AKAP5: variants seen among roughly 807,000 people sequenced by gnomAD.
AKAP5 encodes the protein A-kinase anchoring protein 5.
In AKAP5, 5 loss-of-function variants were observed where a neutral mutation model predicts 13.8. The observed-to-expected ratio is 0.36, with a 90% CI of 0.19 to 0.76. The LOEUF (loss-of-function observed/expected upper bound fraction) is 0.76, where lower values mean the gene tolerates loss of function less well. AKAP5 is among the 30% of genes least tolerant of loss of function. The pLI is 0.51. For missense variants in AKAP5, 406 were observed against 484.4 expected, an observed-to-expected ratio of 0.84 and a Z score of 1.52; for synonymous variants, 148 against 167.2, an observed-to-expected ratio of 0.89 and a Z score of 0.89.
intron 1 of AKAP5, among the ~76,000 whole-genome samples, chr14:64,466,196 T>C (rs1158971644): frequency 6.6e-6 from 1 of 152,224 alleles, no homozygotes; most frequent in East Asian, 1.9e-4. Context: ...ACAGGGACTT[T>C]AAGATTTCCT....
In AKAP5 at chr14:64,468,840, A is replaced by G; in HGVS notation, c.446A>G (p.Asp149Gly). The G allele has an allele frequency of 6.2e-7, 1 of 1,614,202 alleles. No individual in the cohort carries two copies. The change falls in exon 2 of 2, where the codon GAC becomes GGC. Residue 149 changes from aspartate (D) to glycine (G), a missense_variant. Physicochemically the swap from Asp to Gly is moderately conservative, Grantham distance 94. Coordinates refer to ENST00000394718, the MANE Select transcript of AKAP5 (RefSeq NM_004857.3). ...CATTCCAAAATTATAGAAGACTCAG[A>G]CTGCAGCATCAAAGTCCAGGAAGAA... ...SNHSKIIEDSDCSIKVQEEAE... is the reference protein window; with the variant it reads ...SNHSKIIEDSGCSIKVQEEAE...
chr14:64,468,894 C>T lies in AKAP5; in HGVS notation c.500C>T (p.Thr167Ile). The stretch of plus-strand genomic sequence containing the variant: ...GAAATTTTGGATATACAAACACAGA[C>T]CCCATTGAATGATCAGGCAACAAAG... ...EAEILDIQTQ[T>I]PLNDQATKAK... Residue 167 changes from threonine (T) to isoleucine (I), a missense_variant, in exon 2 of 2, where the codon ACC (threonine) becomes ATC (isoleucine). Transcript: ENST00000394718. 9 of 1,614,116 alleles carry T rather than the reference C, an allele frequency of 5.6e-6. No homozygotes were observed. The highest frequency in any genetic ancestry group is 7.6e-6 in the Non-Finnish European group (9 of 1,180,026).
chr14:64,467,230 TCTGTTACA>T (rs1004973434), intron 1 of AKAP5: 3 of 152,240 alleles, frequency 2.0e-5, no homozygotes, highest in African/African-American at 7.2e-5. Flanking sequence ...TAATCTGAGC[TCTGTTACA>T]GCTCTGCCGT....
rs769232221 is a variant in AKAP5 at position 64,468,563 on chromosome 14, G to A, written c.169G>A (p.Asp57Asn). 8 of 1,614,070 alleles carry A rather than the reference G, an allele frequency of 5.0e-6. No individual in the cohort carries two copies. The East Asian group carries it at 1.1e-4, about 22-fold the overall frequency. The change falls in exon 2 of 2, where the codon GAT becomes AAT. Residue 57 changes from aspartate to asparagine, a missense_variant. Transcript: ENST00000394718. ...GCCCAAAGCTGGCTCTGAAGCTGCT[G>A]ATGTGGCAAGGAAGTGTCCACAAGA... ...LKPKAGSEAA[D>N]VARKCPQEAG...
Position 64,469,433 on chromosome 14 carries a change from A to C in AKAP5, c.1039A>C (p.Ile347Leu), listed in dbSNP as rs755421306. The change falls in exon 2 of 2, where the codon ATC becomes CTC. Residue 347 changes from isoleucine to leucine, a missense_variant. Transcript: ENST00000394718. ...PIAIIITDTE[I>L]SEFDVTKSKN... ...TGCTATTATTATTACAGACACTGAA[A>C]TCAGTGAATTTGATGTTACAAAATC... is the stretch of plus-strand genomic sequence containing the variant. 1 of 1,613,236 alleles carries C rather than the reference A, an allele frequency of 6.2e-7. No individual in the cohort carries two copies. Among genetic ancestry groups the C allele is most frequent in the Admixed American group, 1.7e-5 (1 of 59,848 alleles).
Position 64,471,530 on chromosome 14 carries a change from G to A in AKAP5, c.*1852G>A, listed in dbSNP as rs2078671560. 6.0e-6 allele frequency: 1 copy of A among 167,004 alleles called. No individual in the cohort carries two copies. The highest frequency in any genetic ancestry group is 2.4e-5 in the African/African-American group (1 of 41,428). The allele number at this position is 167,004 out of a possible 1,614,324, so 10.3% of individuals were successfully genotyped here. A position where few individuals can be genotyped will look rare whatever the true frequency, so the allele number is the denominator to read the frequency against. ...TGCATTTTTATTTACATATTGAAAG[G>A]GAAGCATCTGATCTCATCAATGATT... On this transcript the variant is annotated 3_prime_UTR_variant, in exon 2 of 2. Transcript: ENST00000394718.
chr14:64,472,609 T>C lies in AKAP5; in HGVS notation c.*2931T>C, dbSNP rs1278961972. 6.0e-6 allele frequency: 1 copy of C among 167,046 alleles called. No individual in the cohort carries two copies. Among genetic ancestry groups the C allele is most frequent in the Non-Finnish European group, 1.5e-5 (1 of 68,088 alleles). 10.3% of individuals were successfully genotyped at this position (167,046 alleles called of 1,614,324 possible). A position where few individuals can be genotyped will look rare whatever the true frequency, so the allele number is the denominator to read the frequency against. On this transcript the variant is annotated 3_prime_UTR_variant, in exon 2 of 2. Coordinates refer to ENST00000394718, the MANE Select transcript of AKAP5 (RefSeq NM_004857.3). ...TCTGTTTTTCTATTGAGAATATCTG[T>C]TGAATTAAGTAGGATTTCAGTTAGA...
In AKAP5 at chr14:64,469,258, A is replaced by G. The variant is rs760183655; in HGVS notation, c.864A>G (p.Ala288=). The G allele has an allele frequency of 1.9e-6, 3 of 1,613,804 alleles. No homozygotes were observed. In the Admixed American group the frequency reaches 5.0e-5, roughly 27 times the overall value. ...CCAGTAACAGTACCCTAGAAAGTGCACCAAATGGAAAAGACTATGAAAGTA... is the reference window on the plus strand; with the variant it reads ...CCAGTAACAGTACCCTAGAAAGTGCGCCAAATGGAAAAGACTATGAAAGTA... ...EEASNSTLES[A]PNGKDYESTE... is the part of the protein sequence containing the mutation. The change falls in exon 2 of 2, where the codon GCA becomes GCG. Residue 288 remains alanine, a synonymous_variant. Coordinates refer to ENST00000394718, the MANE Select transcript of AKAP5 (RefSeq NM_004857.3).
chr14:64,468,765 GACTTAA>G lies in AKAP5; in HGVS notation c.372_377del (p.Leu125_Lys126del). On this transcript the variant is annotated inframe_deletion, in exon 2 of 2. Transcript: ENST00000394718. ...CTTTCTAAGAAAAAGGCAAAATCTA[GACTTAA>G]GATTCCCTGCATAAAATTCCCAAGA... 6.2e-7 allele frequency: 1 copy of G among 1,614,134 alleles called. No homozygotes were observed. Among genetic ancestry groups the G allele is most frequent in the East Asian group, 2.2e-5 (1 of 44,894 alleles).
rs927671197 is a variant in AKAP5 at position 64,469,505 on chromosome 14, G to A, written c.1111G>A (p.Val371Ile). 2.5e-6 allele frequency: 4 copies of A among 1,613,510 alleles called. No homozygotes were observed. In the African/African-American group the frequency reaches 5.3e-5, roughly 22 times the overall value. Reference protein sequence around the residue: ...QFLISAENEQVGVFANDNGFE... With the variant: ...QFLISAENEQIGVFANDNGFE... ...CTTAATTTCAGCTGAAAATGAGCAA[G>A]TAGGGGTTTTTGCTAATGATAATGG... Residue 371 changes from valine to isoleucine, a missense_variant, in exon 2 of 2, where the codon GTA becomes ATA. Transcript: ENST00000394718.
Position 64,472,300 on chromosome 14 carries a change from G to A in AKAP5, c.*2622G>A, listed in dbSNP as rs2078681243. On this transcript the variant is annotated 3_prime_UTR_variant, in exon 2 of 2. Coordinates refer to ENST00000394718, the MANE Select transcript of AKAP5 (RefSeq NM_004857.3). ...AGAATCCTGCCCTCATTTACTGCAA[G>A]GATGCCTCCAAGCCAATACACTTGC... is the stretch of plus-strand genomic sequence containing the variant. The A allele has an allele frequency of 6.0e-6, 1 of 166,956 alleles. No homozygotes were observed. The highest frequency in any genetic ancestry group is 2.4e-5 in the African/African-American group (1 of 41,410). The allele number at this position is 166,956 out of a possible 1,614,324, so 10.3% of individuals were successfully genotyped here.
rs757819244 is a variant in AKAP5, at chr14:64,469,113, A to G, written c.719A>G (p.Gln240Arg). The G allele has an allele frequency of 3.1e-6, 5 of 1,614,124 alleles. No individual in the cohort carries two copies. The highest frequency in any genetic ancestry group is 4.2e-6 in the Non-Finnish European group (5 of 1,180,030). Reference protein sequence around the residue: ...LEEIETIKEKQDVQPQQASPL... With the variant: ...LEEIETIKEKRDVQPQQASPL... Reference sequence around the variant, plus strand: ...GAAATTGAAACGATCAAGGAAAAACAAGATGTTCAACCCCAGCAAGCAAGC... The same window carrying G: ...GAAATTGAAACGATCAAGGAAAAACGAGATGTTCAACCCCAGCAAGCAAGC... The change falls in exon 2 of 2, where the codon CAA (glutamine) becomes CGA (arginine). Residue 240 changes from glutamine to arginine, a missense_variant. Coordinates refer to ENST00000394718, the MANE Select transcript of AKAP5 (RefSeq NM_004857.3).
Position 64,468,307 on chromosome 14 carries a change from T to G in AKAP5, c.-88T>G, listed in dbSNP as rs2078632273. ...TATGCCTGGAAGAAATTTTACCTAG[T>G]GTGACATTTTTGCTCATCTTTTTGT... On this transcript the variant is annotated 5_prime_UTR_variant, in exon 2 of 2. Transcript: ENST00000394718. The G allele has an allele frequency of 1.6e-6, 2 of 1,250,418 alleles. No homozygotes were observed. The highest frequency in any genetic ancestry group is 2.2e-6 in the Non-Finnish European group (2 of 914,354). The allele number at this position is 1,250,418 out of a possible 1,614,324, so 77.5% of individuals were successfully genotyped here.
chr14:64,467,293 C>G (rs1374690799), intron 1 of AKAP5: 4 of 152,184 alleles, frequency 2.6e-5, no homozygotes, highest in African/African-American at 9.6e-5. Context: ...ATACCACCAT[C>G]TTTGTAATAT....
Position 64,469,642 on chromosome 14 carries a change from C to T in AKAP5, c.1248C>T (p.Ala416=), listed in dbSNP as rs61755982. 2.7e-3 allele frequency: 4,360 copies of T among 1,597,968 alleles called. 12 individuals are homozygous for T. The highest frequency in any genetic ancestry group is 3.3e-3 in the Non-Finnish European group (3,864 of 1,175,244). The change falls in exon 2 of 2, where the codon GCC becomes GCT. Residue 416 remains alanine (A), a synonymous_variant. Transcript: ENST00000394718. ...TAGAACAGCTGGTTAATGAAATGGC[C>T]TCTGATGATAATAAAATAAACAATC... is the stretch of plus-strand genomic sequence containing the variant. ...LSIEQLVNEM[A]SDDNKINNLL... is the part of the protein sequence containing the mutation.
chr14:64,471,441 C>G lies in AKAP5; in HGVS notation c.*1763C>G, dbSNP rs984978659. On this transcript the variant is annotated 3_prime_UTR_variant, in exon 2 of 2. Transcript: ENST00000394718. ...TGCTGGGATTACAGGCATGAGCCAC[C>G]GCACCCGGCCTTCATCACTATTTTC... 6 of 166,828 alleles carry G rather than the reference C, an allele frequency of 3.6e-5. No homozygotes were observed. The highest frequency in any genetic ancestry group is 1.2e-4 in the African/African-American group (5 of 41,410). 10.3% of individuals were successfully genotyped at this position (166,828 alleles called of 1,614,324 possible).
In AKAP5 at chr14:64,472,083, C is replaced by G. The variant is rs2078678635; in HGVS notation, c.*2405C>G. The G allele has an allele frequency of 6.0e-6, 1 of 166,766 alleles. No individual in the cohort carries two copies. The highest frequency in any genetic ancestry group is 2.1e-4 in the South Asian group (1 of 4,826). 10.3% of individuals were successfully genotyped at this position (166,766 alleles called of 1,614,324 possible). On this transcript the variant is annotated 3_prime_UTR_variant, in exon 2 of 2. Coordinates refer to ENST00000394718, the MANE Select transcript of AKAP5 (RefSeq NM_004857.3). The stretch of plus-strand genomic sequence containing the variant: ...AAAGTGTCATTCAAAACACATGACC[C>G]AAGAAGTCAATTTCTTTTAATTGTA...
intron 1 of AKAP5, among the ~76,000 whole-genome samples, chr14:64,466,729 G>A (rs1164380480): frequency 6.6e-6 from 1 of 152,100 alleles, no homozygotes; most frequent in East Asian, 1.9e-4. Flanking sequence ...ATAAAATTAT[G>A]GGTTACCCAA....
Position 64,469,701 on chromosome 14 carries a change from GA to G in AKAP5, c.*29del. On this transcript the variant is annotated 3_prime_UTR_variant, in exon 2 of 2. Coordinates refer to ENST00000394718, the MANE Select transcript of AKAP5 (RefSeq NM_004857.3). The stretch of plus-strand genomic sequence containing the variant: ...TGACTTACTCTCCAGAGTCACGGCA[GA>G]AAAAACAAGCTTAATGAAGAATTCT... 1 of 1,477,194 alleles carries G rather than the reference GA, an allele frequency of 6.8e-7. No homozygotes were observed. The highest frequency in any genetic ancestry group is 9.1e-7 in the Non-Finnish European group (1 of 1,102,752). The allele number at this position is 1,477,194 out of a possible 1,614,324, so 91.5% of individuals were successfully genotyped here. A position where few individuals can be genotyped will look rare whatever the true frequency, so the allele number is the denominator to read the frequency against.
Sources: gnomAD v4.1 joint callset for allele counts (sites outside exome capture counted in the v4.1 genomes callset) on GRCh38, gnomAD v4.1.1 for gene constraint, MANE v1.5 for transcripts, NCBI Gene and HGNC (gene_info 2026-07-23, HGNC 2026-07-21) for gene names.